Variants in TARBP2 observed in about 807,000 individuals in gnomAD.
The protein encoded by TARBP2 is TARBP2 subunit of RISC loading complex, also known as RISC-loading complex subunit TARBP2.
In TARBP2, 23 loss-of-function variants were observed where a neutral mutation model predicts 40.4. The observed-to-expected ratio is 0.57, with a 90% CI of 0.41 to 0.81. The LOEUF (loss-of-function observed/expected upper bound fraction) is 0.81. TARBP2 is among the 30% of genes least tolerant of loss of function. The probability of loss-of-function intolerance (pLI) is 0.00; values close to 1 mark genes in which losing one functional copy is unlikely to be tolerated. For missense variants in TARBP2, 358 were observed against 473.7 expected (o/e 0.76, Z 2.27); for synonymous variants, 183 against 190.5 (o/e 0.96, Z 0.32).
rs1943986199 is a variant in TARBP2 at position 53,506,343 on chromosome 12, CT to C, written c.*196del. On this transcript the variant is annotated 3_prime_UTR_variant, in exon 9 of 9. Transcript: ENST00000266987. ...AGCCTCAGCCAGCCCAGGATCCGTC[CT>C]CATTTTATTGGTGATGATGAATGGG... The C allele has an allele frequency of 7.7e-6, 5 of 646,868 alleles. No individual in the cohort carries two copies. The South Asian group carries it at 8.5e-5, about 11-fold the overall frequency. 40.1% of individuals were successfully genotyped at this position (646,868 alleles called of 1,614,324 possible).
chr12:53,504,610 AG>A (rs781314299), intron 5 of TARBP2, 87 bp from the exon 6 acceptor site: 1 of 1,612,170 alleles, frequency 6.2e-7, no homozygotes, highest in Non-Finnish European at 8.5e-7. Context: ...CCTCTCACCT[AG>A]AGTCTGAGGC....
In TARBP2 at chr12:53,505,970, C is replaced by T; in HGVS notation, c.944-21C>T. 6.2e-7 allele frequency: 1 copy of T among 1,609,924 alleles called. No individual in the cohort carries two copies. Among genetic ancestry groups the T allele is most frequent in the Non-Finnish European group, 8.5e-7 (1 of 1,176,676 alleles). ...GGCTACCTCCCCCAACATTGCCTCC[C>T]TCCTCTCTCTTGCTCTCCAGAGGAG... On this transcript the variant is annotated intron_variant, in intron 8 of 8. Coordinates refer to ENST00000266987, the MANE Select transcript of TARBP2 (RefSeq NM_134323.2). The surrounding 1 kb of genome is among the most constrained non-coding windows in gnomAD (Gnocchi z 4.5).
intron 2 of TARBP2, 127 bp from the exon 3 acceptor site, chr12:53,502,900 G>A: frequency 1.1e-6 from 1 of 878,344 alleles, no homozygotes. Flanking sequence ...CCAGTCTTCA[G>A]CAGGGGGAGG....
rs1236387428 is a variant in TARBP2 at position 53,501,440 on chromosome 12, C to G, written c.32C>G (p.Thr11Ser). The stretch of plus-strand genomic sequence containing the variant: ...GAAGAGGAGCAAGGCTCCGGCACTA[C>G]CACGGGCTGCGGGCTGCCTAGGTGA... MSEEEQGSGT[T>S]TGCGLPSIEQ... The change falls in exon 1 of 9, where the codon ACC (threonine) becomes AGC (serine). Residue 11 changes from threonine (T) to serine (S), a missense_variant. This residue lies in a region of TARBP2 where 32 missense variants were observed against 21.6 expected (regional missense o/e 1.48). Transcript: ENST00000266987. 1.3e-6 allele frequency: 2 copies of G among 1,568,960 alleles called. No homozygotes were observed. Among genetic ancestry groups the G allele is most frequent in the East Asian group, 2.4e-5 (1 of 42,360 alleles).
Position 53,505,656 on chromosome 12 carries a change from G to C in TARBP2, c.749G>C (p.Gly250Ala), listed in dbSNP as rs778949628. The C allele has an allele frequency of 1.2e-6, 2 of 1,613,894 alleles. No homozygotes were observed. The highest frequency in any genetic ancestry group is 3.3e-5 in the Admixed American group (2 of 59,990). Residue 250 changes from glycine (G) to alanine (A), a missense_variant, in exon 8 of 9, where the codon GGC becomes GCC. Around this residue, in one of 3 missense-constraint regions of TARBP2, gnomAD observed 317 missense variants for 422.9 expected, o/e 0.75. Transcript: ENST00000266987. The surrounding 1 kb of genome is among the most constrained non-coding windows in gnomAD (Gnocchi z 4.5). ...PDDDHFSIGV[G>A]SRLDGLRNRG... is the part of the protein sequence containing the mutation. Reference sequence around the variant, plus strand: ...CTGTTCCCATCTTGACAGGGTGTGGGCTCCCGCCTGGATGGTCTTCGAAAC... The same window carrying C: ...CTGTTCCCATCTTGACAGGGTGTGGCCTCCCGCCTGGATGGTCTTCGAAAC...
intron 6 of TARBP2, 75 bp downstream of exon 6, chr12:53,504,890 C>G (rs949569505): frequency 2.2e-5 from 35 of 1,556,922 alleles, no homozygotes; most frequent in Admixed American, 6.8e-5. Flanking sequence ...CAGCTCCTGG[C>G]CTCACTCTGC....
Position 53,506,234 on chromosome 12 carries a change from C to G in TARBP2, c.*86C>G. On this transcript the variant is annotated 3_prime_UTR_variant, in exon 9 of 9. Transcript: ENST00000266987. ...CATGTATCTGCGCAGCTCTGGTACC[C>G]TCTGTGGGTGCCATCTCTACCTCTG... is the stretch of plus-strand genomic sequence containing the variant. 1 of 1,483,814 alleles carries G rather than the reference C, an allele frequency of 6.7e-7. No individual in the cohort carries two copies. Among genetic ancestry groups the G allele is most frequent in the South Asian group, 1.3e-5 (1 of 76,684 alleles). 91.9% of individuals were successfully genotyped at this position (1,483,814 alleles called of 1,614,324 possible). A position where few individuals can be genotyped will look rare whatever the true frequency, so the allele number is the denominator to read the frequency against.
rs868841904 is a variant in TARBP2 at position 53,501,461 on chromosome 12, G to C, written c.53G>C (p.Ser18Thr). ...SGTTTGCGLP[S>T]IEQMLAANPG... ...ACTACCACGGGCTGCGGGCTGCCTA[G>C]GTGAGCCGTCTCGTACCGATTCCTT... The change falls in exon 1 of 9, where the codon AGT becomes ACT. Residue 18 changes from serine to threonine, a missense_variant and splice_region_variant. By Grantham distance (58) the Ser-to-Thr change is moderately conservative (BLOSUM62 1). Coordinates refer to ENST00000266987, the MANE Select transcript of TARBP2 (RefSeq NM_134323.2). 2.6e-6 allele frequency: 4 copies of C among 1,567,010 alleles called. No homozygotes were observed. In the African/African-American group the frequency reaches 4.1e-5, roughly 16 times the overall value.
intron 5 of TARBP2, 77 bp downstream of exon 5, chr12:53,504,546 T>TG (rs1283219629): frequency 3.1e-5 from 49 of 1,602,290 alleles, no homozygotes; most frequent in Non-Finnish European, 4.0e-5. Context: ...TATGTGTGTT[T>TG]GGGGGTGGGG....
chr12:53,501,531 C>T, intron 1 of TARBP2, 70 bp downstream of exon 1: 1 of 1,546,250 alleles, frequency 6.5e-7, no homozygotes, highest in African/African-American at 1.4e-5. Flanking sequence ...AGCGGCGCGG[C>T]CCCAGCATGC....
intron 2 of TARBP2, chr12:53,502,826 G>A (rs767018298): frequency 2.1e-6 from 1 of 477,466 alleles, no homozygotes; most frequent in African/African-American, 2.0e-5. Context: ...TGCTTGGCAT[G>A]GCTTAATTCT....
intron 4 of TARBP2, 87 bp from the exon 5 acceptor site, chr12:53,504,310 T>C: frequency 8.0e-7 from 1 of 1,251,072 alleles, no homozygotes; most frequent in Non-Finnish European, 1.1e-6. Context: ...TAGTCAGGAA[T>C]CTAAAGTAGT....
chr12:53,505,593 A>G lies in TARBP2; in HGVS notation c.742-56A>G, dbSNP rs2137272031. On this transcript the variant is annotated intron_variant, in intron 7 of 8. Transcript: ENST00000266987. This position sits in a 1 kb window ranked among gnomAD's most constrained non-coding sequence, Gnocchi z 4.5. ...TTCTCCTTTGACGTTGAATGTCTCA[A>G]TGCCTGGGTCCCACAGTCTCTCGCT... 6.5e-7 allele frequency: 1 copy of G among 1,532,450 alleles called. No homozygotes were observed. The highest frequency in any genetic ancestry group is 9.0e-7 in the Non-Finnish European group (1 of 1,108,236). 94.9% of individuals were successfully genotyped at this position (1,532,450 alleles called of 1,614,324 possible).
Position 53,504,454 on chromosome 12 carries a change from C to T in TARBP2, c.480C>T (p.Pro160=), listed in dbSNP as rs145961214. The part of the protein sequence containing the change: ...PVSPQQSECN[P]VGALQELVVQ... The stretch of plus-strand genomic sequence containing the variant: ...CCCCTCAGCAGTCTGAGTGCAACCC[C>T]GTTGGTGCTCTGCAGGTGTGTCCCA... The change falls in exon 5 of 9, where the codon CCC becomes CCT. Residue 160 remains proline (P), a synonymous_variant. Transcript: ENST00000266987. 7.4e-5 allele frequency: 120 copies of T among 1,613,298 alleles called. No homozygotes were observed. Among genetic ancestry groups the T allele is most frequent in the African/African-American group, 5.3e-4 (40 of 74,988 alleles).
At chr12:53,502,258 C>A in intron 2 of TARBP2, 74 bp downstream of exon 2, 1 of 1,545,630 alleles carries the variant, frequency 6.5e-7, no homozygotes, top group Admixed American at 1.9e-5. Flanking sequence ...TGGAGTCTCT[C>A]TCTTCACAGT....
In TARBP2 at chr12:53,505,552, C is replaced by A; in HGVS notation, c.742-97C>A. ...CTGGGGGGAGGCAAGCTGGAGGAAGCATTCTTTGTGCTTTGTTCTCCTTTG... is the reference window on the plus strand; with the variant it reads ...CTGGGGGGAGGCAAGCTGGAGGAAGAATTCTTTGTGCTTTGTTCTCCTTTG... On this transcript the variant is annotated intron_variant, in intron 7 of 8. Coordinates refer to ENST00000266987, the MANE Select transcript of TARBP2 (RefSeq NM_134323.2). This position sits in a 1 kb window ranked among gnomAD's most constrained non-coding sequence, Gnocchi z 4.5. 1 of 1,306,336 alleles carries A rather than the reference C, an allele frequency of 7.7e-7. No individual in the cohort carries two copies. The highest frequency in any genetic ancestry group is 1.1e-6 in the Non-Finnish European group (1 of 921,744). 80.9% of individuals were successfully genotyped at this position (1,306,336 alleles called of 1,614,324 possible).
rs58340360 is a variant in TARBP2 at position 53,505,889 on chromosome 12, G to C, written c.943+39G>C. On this transcript the variant is annotated intron_variant, in intron 8 of 8. Coordinates refer to ENST00000266987, the MANE Select transcript of TARBP2 (RefSeq NM_134323.2). The surrounding 1 kb of genome is among the most constrained non-coding windows in gnomAD (Gnocchi z 4.5). Reference sequence around the variant, plus strand: ...GGGAGCGAGCCAGGGGATGGTGGGGGCTGGACCGGAGCAAGTAGAAGGGGG... The same window carrying C: ...GGGAGCGAGCCAGGGGATGGTGGGGCCTGGACCGGAGCAAGTAGAAGGGGG... 4 of 1,608,730 alleles carry C rather than the reference G, an allele frequency of 2.5e-6. No individual in the cohort carries two copies. The highest frequency in any genetic ancestry group is 3.4e-6 in the Non-Finnish European group (4 of 1,175,782).
chr12:53,506,183 C>T lies in TARBP2; in HGVS notation c.*35C>T. 1 of 1,601,038 alleles carries T rather than the reference C, an allele frequency of 6.2e-7. No individual in the cohort carries two copies. Among genetic ancestry groups the T allele is most frequent in the Middle Eastern group, 2.0e-4 (1 of 5,096 alleles). On this transcript the variant is annotated 3_prime_UTR_variant, in exon 9 of 9. Coordinates refer to ENST00000266987, the MANE Select transcript of TARBP2 (RefSeq NM_134323.2). ...TGGACTCATGGATGTGCACCCTTTG[C>T]TCCCTGCTCTTTCTGCCTCTGGGCT...
At position 53,505,188 on chromosome 12, in the gene TARBP2, C is replaced by T; in HGVS notation, c.667C>T (p.Leu223Phe). Residue 223 changes from leucine to phenylalanine, a missense_variant, in exon 7 of 9, where the codon CTT (leucine) becomes TTT (phenylalanine). Around this residue, in one of 3 missense-constraint regions of TARBP2, gnomAD observed 317 missense variants for 422.9 expected, o/e 0.75. Transcript: ENST00000266987. The surrounding 1 kb of genome is among the most constrained non-coding windows in gnomAD (Gnocchi z 4.5). ...GCGGAATGCGGCGGCCAAAATGCTG[C>T]TTCGAGTGCACACGGTGCCTCTGGA... Reference protein sequence around the residue: ...AKRNAAAKMLLRVHTVPLDAR... With the variant: ...AKRNAAAKMLFRVHTVPLDAR... 6.2e-7 allele frequency: 1 copy of T among 1,611,982 alleles called. No homozygotes were observed. The highest frequency in any genetic ancestry group is 1.1e-5 in the South Asian group (1 of 91,026).
Sources: gnomAD v4.1 joint callset for allele counts on GRCh38, gnomAD v4.1.1 for gene constraint, gnomAD v4.1.1 regional missense constraint, Gnocchi (gnomAD v3.1) non-coding constraint, MANE v1.5 for transcripts, NCBI Gene and HGNC (gene_info 2026-07-23, HGNC 2026-07-21) for gene names.